The following LYPLAL1 variants were observed in gnomAD, a reference collection of about 807,000 sequenced individuals.
LYPLAL1 encodes lysophospholipase-like protein 1.
A neutral mutation model predicts 19.7 loss-of-function variants in LYPLAL1; 23 were observed. The ratio of observed to expected loss-of-function variants is 1.17; its 90% confidence interval spans 0.84 to 1.65. The LOEUF is 1.65. Among genes scored for constraint, LYPLAL1 ranks in the 40% most tolerant of loss-of-function variants. The probability of loss-of-function intolerance (pLI) is 0.00; values close to 1 mark genes in which losing one functional copy is unlikely to be tolerated. For missense variants in LYPLAL1, 355 were observed against 279.4 expected (o/e 1.27, Z -1.93); for synonymous variants, 119 against 96.3 (o/e 1.24, Z -1.38).
At chr1:219,279,129 C>T in the LYPLAL1 span, among the ~76,000 whole-genome samples, 2 of 152,110 alleles carry the variant, frequency 1.3e-5, no homozygotes, top group African/African-American at 2.4e-5. Flanking sequence ...AGGGCTCGTG[C>T]GTTTTTGCCT....
At chr1:219,327,365 T>C in the LYPLAL1 span, among the ~76,000 whole-genome samples, 1 of 152,052 alleles carries the variant, frequency 6.6e-6, no homozygotes, top group Non-Finnish European at 1.5e-5. Flanking sequence ...GAGAGTGAGT[T>C]GAAGAACACT....
At chr1:219,306,807 T>TAGAC in the LYPLAL1 span, among the ~76,000 whole-genome samples, 1 of 128,150 alleles carries the variant, frequency 7.8e-6, no homozygotes, top group African/African-American at 3.0e-5. Flanking sequence ...GATGCATAGA[T>TAGAC]AGATATAGAT....
chr1:219,335,749 C>T, the LYPLAL1 span, among the ~76,000 whole-genome samples: 28 of 151,888 alleles, frequency 1.8e-4, 2 homozygotes, highest in South Asian at 5.0e-3. Flanking sequence ...CACTTTAATG[C>T]GCCCAGAATT....
At chr1:219,368,266 T>C in the LYPLAL1 span, among the ~76,000 whole-genome samples, 1 of 152,182 alleles carries the variant, frequency 6.6e-6, no homozygotes, top group Admixed American at 6.6e-5. Context: ...GTCAGCTTTA[T>C]TCTTTGGTAG....
At chr1:219,256,705 T>C in the LYPLAL1 span, among the ~76,000 whole-genome samples, 28 of 152,180 alleles carry the variant, frequency 1.8e-4, no homozygotes, top group African/African-American at 6.7e-4. Flanking sequence ...TTGCAATATA[T>C]GTTTGTAAGA....
chr1:219,289,050 T>C, the LYPLAL1 span, among the ~76,000 whole-genome samples: 12 of 150,822 alleles, frequency 8.0e-5, no homozygotes, highest in African/African-American at 2.9e-4. Context: ...CATGCAGAAA[T>C]GTGCTGGCAC....
chr1:219,320,827 A>C, the LYPLAL1 span, among the ~76,000 whole-genome samples: 133 of 152,224 alleles, frequency 8.7e-4, no homozygotes, highest in African/African-American at 3.1e-3. Flanking sequence ...CATTTTCTTA[A>C]TCCAGTCTAT....
At chr1:219,436,128 T>C in the LYPLAL1 span, among the ~76,000 whole-genome samples, 1 of 152,152 alleles carries the variant, frequency 6.6e-6, no homozygotes, top group African/African-American at 2.4e-5. Flanking sequence ...ACTGGTGTGC[T>C]TTGGGGTGCT....
chr1:219,284,903 A>G, the LYPLAL1 span, among the ~76,000 whole-genome samples: 6 of 152,236 alleles, frequency 3.9e-5, no homozygotes, highest in Admixed American at 2.6e-4. Context: ...TCCTCTATAA[A>G]GAAAACTAAT....
At chr1:219,242,884 A>T in the LYPLAL1 span, among the ~76,000 whole-genome samples, 1 of 152,190 alleles carries the variant, frequency 6.6e-6, no homozygotes, top group East Asian at 1.9e-4. Flanking sequence ...AGGCCTGCAG[A>T]CTGGAGTTTA....
chr1:219,357,104 G>GA, the LYPLAL1 span, among the ~76,000 whole-genome samples: 3 of 152,048 alleles, frequency 2.0e-5, no homozygotes, highest in African/African-American at 7.2e-5. Context: ...TTATTATTGG[G>GA]AAAAAAATTT....
At chr1:219,396,123 G>A in the LYPLAL1 span, among the ~76,000 whole-genome samples, 1 of 150,584 alleles carries the variant, frequency 6.6e-6, no homozygotes, top group East Asian at 2.0e-4. Context: ...AAAAAAAGAA[G>A]GAGTCCAATT....
chr1:219,403,922 T>C, the LYPLAL1 span, among the ~76,000 whole-genome samples: 1 of 152,118 alleles, frequency 6.6e-6, no homozygotes, highest in Non-Finnish European at 1.5e-5. Context: ...GCTGGGTGGC[T>C]TCAAGAATAG....
rs1657341071 is a variant in LYPLAL1 at position 219,193,257 on chromosome 1, A to G, written c.361+6A>G. ...GAAGAACAGGATATTAATAGGTAAG[A>G]CCTTTAAATGTTGGTAATTTATCAC... is the stretch of plus-strand genomic sequence containing the variant. On this transcript the variant is annotated splice_donor_region_variant and intron_variant, in intron 3 of 4. Transcript: ENST00000366928. The G allele has an allele frequency of 3.4e-5, 54 of 1,601,972 alleles. No individual in the cohort carries two copies. The highest frequency in any genetic ancestry group is 4.5e-5 in the Non-Finnish European group (53 of 1,172,774).
At chr1:219,227,705 C>T in the LYPLAL1 span, among the ~76,000 whole-genome samples, 1 of 152,038 alleles carries the variant, frequency 6.6e-6, no homozygotes, top group Non-Finnish European at 1.5e-5. Flanking sequence ...GATTTTAACA[C>T]CTTATAGAAG....
the LYPLAL1 span, among the ~76,000 whole-genome samples, chr1:219,292,687 T>C: frequency 1.3e-5 from 2 of 152,232 alleles, no homozygotes; most frequent in Non-Finnish European, 2.9e-5. Flanking sequence ...CTGAACACTT[T>C]AGATGTACTA....
At chr1:219,333,206 A>G in the LYPLAL1 span, among the ~76,000 whole-genome samples, 1 of 152,064 alleles carries the variant, frequency 6.6e-6, no homozygotes, top group Non-Finnish European at 1.5e-5. Flanking sequence ...AGCAATCTTT[A>G]TTCCATCTGA....
intron 3 of LYPLAL1, among the ~76,000 whole-genome samples, chr1:219,201,015 C>A (rs1315113323): frequency 1.3e-5 from 2 of 152,106 alleles, no homozygotes; most frequent in Non-Finnish European, 2.9e-5. Context: ...ATTCTTAATA[C>A]GTATTATCAA....
At chr1:219,241,134 C>CTCTCTATATATA in the LYPLAL1 span, among the ~76,000 whole-genome samples, 68 of 44,358 alleles carry the variant, frequency 1.5e-3, no homozygotes, top group African/African-American at 2.0e-3. Context: ...CTCTCTCTCT[C>CTCTCTATATATA]TATATATATA....
Sources: gnomAD v4.1 joint callset for allele counts (sites outside exome capture counted in the v4.1 genomes callset) on GRCh38, gnomAD v4.1.1 for gene constraint, MANE v1.5 for transcripts, NCBI Gene and HGNC (gene_info 2026-07-23, HGNC 2026-07-21) for gene names.